The following LRP1B variants were observed in gnomAD, a reference collection of about 807,000 sequenced individuals.
The protein encoded by LRP1B is LDL receptor related protein 1B.
A neutral mutation model predicts 556.6 loss-of-function variants in LRP1B; 217 were observed. The ratio of observed to expected loss-of-function variants is 0.39; its 90% confidence interval spans 0.35 to 0.44. The LOEUF (loss-of-function observed/expected upper bound fraction) is 0.44, where lower values mean the gene tolerates loss of function less well. Among genes scored for constraint, LRP1B ranks in the 20% least tolerant of loss-of-function variants. LRP1B has a pLI of 1.00. For synonymous variants in LRP1B, 2,047 were observed against 1,865.8 expected, an observed-to-expected ratio of 1.10 and a Z score of -2.50; for missense variants, 5,053 against 5,620.8, an observed-to-expected ratio of 0.90 and a Z score of 3.23.
At chr2:141,012,920 A>C (rs544422216) in intron 14 of LRP1B, among the ~76,000 whole-genome samples, 1 of 151,922 alleles carries the variant, frequency 6.6e-6, no homozygotes. Flanking sequence ...CACATAATTT[A>C]CTAAACTGTT....
intron 1 of LRP1B, among the ~76,000 whole-genome samples, chr2:141,911,124 C>T (rs1699897754): frequency 6.6e-6 from 1 of 151,968 alleles, no homozygotes; most frequent in Non-Finnish European, 1.5e-5. Context: ...CTTAAGTATT[C>T]AAATTGTGTT....
At chr2:140,509,396 C>A (rs1201381142) in intron 52 of LRP1B, among the ~76,000 whole-genome samples, 1 of 152,112 alleles carries the variant, frequency 6.6e-6, no homozygotes, top group Non-Finnish European at 1.5e-5. Flanking sequence ...AATTGTCTGA[C>A]CTCCGAAGGT....
intron 7 of LRP1B, among the ~76,000 whole-genome samples, chr2:141,140,102 G>A (rs1701606313): frequency 6.6e-6 from 1 of 151,904 alleles, no homozygotes; most frequent in Non-Finnish European, 1.5e-5. Flanking sequence ...AGTGTGTGCT[G>A]TATAATTCCA....
chr2:140,649,857 T>A (rs1301814666), intron 41 of LRP1B, among the ~76,000 whole-genome samples: 2 of 152,218 alleles, frequency 1.3e-5, no homozygotes, highest in African/African-American at 4.8e-5. Context: ...TGGATGGTTA[T>A]AGTTTGGCAA....
intron 6 of LRP1B, among the ~76,000 whole-genome samples, chr2:141,200,848 G>A (rs1681982651): frequency 6.6e-6 from 1 of 152,108 alleles, no homozygotes; most frequent in Admixed American, 6.6e-5. Context: ...CATAGTAAGT[G>A]TTCCGTGAAT....
chr2:141,130,058 G>A (rs1701311180), intron 7 of LRP1B, among the ~76,000 whole-genome samples: 1 of 151,894 alleles, frequency 6.6e-6, no homozygotes, highest in African/African-American at 2.4e-5. Context: ...TTCAAAAAAT[G>A]TAAAAAATAA....
chr2:141,380,422 G>A (rs944223645), intron 3 of LRP1B, among the ~76,000 whole-genome samples: 2 of 152,114 alleles, frequency 1.3e-5, no homozygotes, highest in Non-Finnish European at 2.9e-5. Flanking sequence ...TCACTCTAGT[G>A]ATAAAATCTC....
intron 56 of LRP1B, among the ~76,000 whole-genome samples, 181 bp from the exon 57 acceptor site, chr2:140,492,874 G>T (rs576959610): frequency 6.6e-6 from 1 of 152,122 alleles, no homozygotes; most frequent in Non-Finnish European, 1.5e-5. Context: ...GGCAGCACAC[G>T]CCCAGGCAGT....
At position 140,671,118 on chromosome 2, in the gene LRP1B, A is replaced by T. The variant is rs531218237; in HGVS notation, c.6799+29132T>A. On this transcript the variant is annotated intron_variant, in intron 41 of 90. Transcript: ENST00000389484. ...GCTTTGGTAGCTTAAAAGAACATACATTTATTATTTTACAATTATAAAGGT... is the reference window on the plus strand; with the variant it reads ...GCTTTGGTAGCTTAAAAGAACATACTTTTATTATTTTACAATTATAAAGGT... 5.9e-5 allele frequency among the ~76,000 whole-genome samples: 9 copies of T among 152,338 alleles called. No homozygotes were observed. The South Asian group carries it at 6.2e-4, about 11-fold the overall frequency.
chr2:141,197,604 A>G (rs1312930007), intron 6 of LRP1B, among the ~76,000 whole-genome samples: 1 of 152,134 alleles, frequency 6.6e-6, no homozygotes, highest in Admixed American at 6.6e-5. Context: ...AAGCAGGGCA[A>G]GGAGATGTCT....
chr2:141,327,373 G>A (rs1466233863), intron 3 of LRP1B, among the ~76,000 whole-genome samples: 1 of 152,116 alleles, frequency 6.6e-6, no homozygotes, highest in East Asian at 1.9e-4. Flanking sequence ...CACAGTCGTG[G>A]ATGGGTGAAA....
intron 11 of LRP1B, among the ~76,000 whole-genome samples, chr2:141,041,315 T>C (rs945500352): frequency 6.6e-6 from 1 of 152,070 alleles, no homozygotes; most frequent in Non-Finnish European, 1.5e-5. Context: ...ATAAATTTAT[T>C]CTTTGACAGT....
chr2:140,282,571 A>G (rs768293413), intron 84 of LRP1B, among the ~76,000 whole-genome samples: 34 of 151,802 alleles, frequency 2.2e-4, no homozygotes, highest in Non-Finnish European at 3.5e-4. Context: ...AATGGAAAGT[A>G]TCCCATCTCT....
intron 7 of LRP1B, among the ~76,000 whole-genome samples, chr2:141,096,675 A>AGAGAGG (rs1483280529): frequency 4.6e-5 from 6 of 130,184 alleles, no homozygotes; most frequent in African/African-American, 1.7e-4. Flanking sequence ...AGAGAGAGAG[A>AGAGAGG]GAGAGAGAGA....
chr2:141,423,062 C>T (rs1251406834), intron 3 of LRP1B, among the ~76,000 whole-genome samples: 1 of 152,030 alleles, frequency 6.6e-6, no homozygotes, highest in Non-Finnish European at 1.5e-5. Flanking sequence ...AAGAAGAAAA[C>T]AGGGTGTTGT....
chr2:141,712,388 CA>C (rs1276835445), intron 2 of LRP1B, among the ~76,000 whole-genome samples: 3 of 150,308 alleles, frequency 2.0e-5, no homozygotes, highest in Non-Finnish European at 4.4e-5. Flanking sequence ...TAAAAAAAAA[CA>C]AAAAAAGCCA....
intron 1 of LRP1B, among the ~76,000 whole-genome samples, chr2:141,850,622 CTGTGTGTGTG>C (rs70994458): frequency 4.7e-4 from 66 of 141,178 alleles, no homozygotes; most frequent in African/African-American, 1.6e-3. Context: ...AGCATAAACT[CTGTGTGTGTG>C]TGTGTGTGTG....
intron 23 of LRP1B, among the ~76,000 whole-genome samples, chr2:140,891,436 T>C (rs1483048999): frequency 3.9e-5 from 6 of 152,260 alleles, no homozygotes; most frequent in South Asian, 4.1e-4. Flanking sequence ...TTACCATATA[T>C]ATGATATAAT....
rs200774103 is a variant in LRP1B at position 141,800,410 on chromosome 2, A to G, written c.205+9869T>C. Among the ~76,000 whole-genome samples the G allele has an allele frequency of 1.1e-4, 16 of 152,330 alleles. No individual in the cohort carries two copies. In the East Asian group the frequency reaches 3.1e-3, roughly 29 times the overall value. On this transcript the variant is annotated intron_variant, in intron 2 of 90. Coordinates refer to ENST00000389484, the MANE Select transcript of LRP1B (RefSeq NM_018557.3). ...CCTGTAAAAGGGGACCATGAATACT[A>G]TCATAAGTAGGGCCACAAATCTCCT...
Sources: gnomAD v4.1 joint callset for allele counts (sites outside exome capture counted in the v4.1 genomes callset) on GRCh38, gnomAD v4.1.1 for gene constraint, MANE v1.5 for transcripts, NCBI Gene and HGNC (gene_info 2026-07-23, HGNC 2026-07-21) for gene names.